CNTLN: variants seen among roughly 807,000 people sequenced by gnomAD.
CNTLN encodes the protein centlein, centrosomal protein.
CNTLN carries 212 observed loss-of-function variants against 180.0 expected under a neutral mutation model. The ratio of observed to expected loss-of-function variants is 1.18; its 90% confidence interval spans 1.05 to 1.32. The LOEUF is 1.32. Ranked by LOEUF, CNTLN falls within the 40% of genes most tolerant of loss-of-function variation. The pLI, the probability that CNTLN is intolerant of heterozygous loss-of-function variation, is 0.00. For synonymous variants in CNTLN, 722 were observed against 563.1 expected, an observed-to-expected ratio of 1.28 and a Z score of -3.99; for missense variants, 2,095 against 1,610.9, an observed-to-expected ratio of 1.30 and a Z score of -5.14.
At chr9:17,395,166 A>G in intron 15 of CNTLN, 97 bp downstream of exon 15, 1 of 1,457,072 alleles carries the variant, frequency 6.9e-7, no homozygotes. Context: ...TCGATTTGGT[A>G]TTCAGAAAAA....
intron 18 of CNTLN, among the ~76,000 whole-genome samples, chr9:17,443,573 G>A (rs1830232207): frequency 6.6e-6 from 1 of 152,162 alleles, no homozygotes; most frequent in African/African-American, 2.4e-5. Context: ...ATTCAGGATA[G>A]TGATTATTTC....
the CNTLN span, among the ~76,000 whole-genome samples, chr9:17,523,017 G>A: frequency 1.3e-5 from 2 of 152,078 alleles, no homozygotes; most frequent in East Asian, 1.9e-4. Flanking sequence ...TAAAAGGTAC[G>A]AATGTCCCTC....
intron 10 of CNTLN, among the ~76,000 whole-genome samples, chr9:17,338,219 C>T (rs987950612): frequency 5.3e-5 from 8 of 150,442 alleles, no homozygotes; most frequent in Non-Finnish European, 7.4e-5. Flanking sequence ...TAGTACAGTG[C>T]AGTGGCGCCA....
Position 17,394,834 on chromosome 9 carries a change from C to T in CNTLN, c.2380C>T (p.Pro794Ser). ...AAATGAAAATGAAGAGCTGATCAAC[C>T]CAATGGAGAAATCACACCAGTCAGC... ...LRNENEELIN[P>S]MEKSHQSADR... Residue 794 changes from proline to serine, a missense_variant, in exon 15 of 26, where the codon CCA becomes TCA. By Grantham distance (74) the Pro-to-Ser change is moderately conservative. Transcript: ENST00000380647. The T allele has an allele frequency of 1.2e-6, 2 of 1,613,842 alleles. No homozygotes were observed. The highest frequency in any genetic ancestry group is 2.7e-5 in the African/African-American group (2 of 74,968).
intron 2 of CNTLN, among the ~76,000 whole-genome samples, chr9:17,175,607 A>T (rs575555044): frequency 6.6e-6 from 1 of 152,166 alleles, no homozygotes; most frequent in East Asian, 1.9e-4. Flanking sequence ...TCCTTTTCAA[A>T]ATTGTTTTAG....
intron 5 of CNTLN, among the ~76,000 whole-genome samples, chr9:17,256,851 A>T (rs1026324645): frequency 2.0e-5 from 3 of 151,854 alleles, no homozygotes; most frequent in African/African-American, 7.2e-5. Flanking sequence ...TGGAAGGTCA[A>T]ATAATTTAGT....
intron 5 of CNTLN, among the ~76,000 whole-genome samples, chr9:17,266,140 G>A (rs11523728): frequency 0.28 from 38,106 of 135,708 alleles, 4,956 homozygotes; most frequent in South Asian, 0.45. Context: ...TAGGGTGTCA[G>A]TTTTGGATCT....
chr9:17,507,367 C>G (rs1294132015), downstream of CNTLN, among the ~76,000 whole-genome samples: 1 of 152,102 alleles, frequency 6.6e-6, no homozygotes, highest in Non-Finnish European at 1.5e-5. Context: ...TATATATCTT[C>G]CACATTTTCT....
chr9:17,239,351 T>C (rs1825349862), intron 5 of CNTLN, among the ~76,000 whole-genome samples: 1 of 152,248 alleles, frequency 6.6e-6, no homozygotes, highest in South Asian at 2.1e-4. Flanking sequence ...TTCAAATCTT[T>C]TGTGTACATA....
At chr9:17,200,773 A>G (rs2131875841) in intron 2 of CNTLN, among the ~76,000 whole-genome samples, 1 of 152,124 alleles carries the variant, frequency 6.6e-6, no homozygotes, top group South Asian at 2.1e-4. Flanking sequence ...CAATCATATC[A>G]TCTGCAGAGA....
At chr9:17,342,293 T>C (rs2133215329) in intron 11 of CNTLN, 32 bp from the exon 12 acceptor site, 1 of 1,604,448 alleles carries the variant, frequency 6.2e-7, no homozygotes, top group Non-Finnish European at 8.5e-7. Flanking sequence ...TCAGACATGT[T>C]AATTGAAAAA....
rs1415950803 is a variant in CNTLN, at chr9:17,496,224, A to T, written c.4120-6327A>T. Among the ~76,000 whole-genome samples the T allele has an allele frequency of 2.0e-5, 3 of 152,042 alleles. No homozygotes were observed. In the East Asian group the frequency reaches 5.8e-4, roughly 29 times the overall value. ...CTTTTGGATCCTTCCCCATCCCTTT[A>T]TTTTTCCTACCTGTACTATTAAGTG... On this transcript the variant is annotated intron_variant, in intron 25 of 25. Transcript: ENST00000380647.
intron 6 of CNTLN, among the ~76,000 whole-genome samples, chr9:17,291,371 G>T (rs1829395225): frequency 6.6e-6 from 1 of 152,050 alleles, no homozygotes; most frequent in Non-Finnish European, 1.5e-5. Context: ...TGTTAATTTT[G>T]TCTTGGTGAT....
intron 5 of CNTLN, among the ~76,000 whole-genome samples, chr9:17,254,482 G>A (rs1248348851): frequency 6.7e-6 from 1 of 149,580 alleles, no homozygotes; most frequent in African/African-American, 2.5e-5. Flanking sequence ...TCTTTTGTGT[G>A]TATGGTGTAA....
At chr9:17,466,991 C>A in intron 23 of CNTLN, 100 bp downstream of exon 23, 1 of 717,762 alleles carries the variant, frequency 1.4e-6, no homozygotes, top group Non-Finnish European at 2.2e-6. Context: ...TTTCTGCTTT[C>A]CTAACACAGA....
In CNTLN at chr9:17,361,864, G is replaced by A. The variant is rs145800174; in HGVS notation, c.1887-4753G>A. On this transcript the variant is annotated intron_variant, in intron 12 of 25. Coordinates refer to ENST00000380647, the MANE Select transcript of CNTLN (RefSeq NM_017738.4). Reference sequence around the variant, plus strand: ...TTGTTTCCTATCATTTGTCCAGTAAGAAATAGATTTTAAATTGTGGTCCTC... The same window carrying A: ...TTGTTTCCTATCATTTGTCCAGTAAAAAATAGATTTTAAATTGTGGTCCTC... Among the ~76,000 whole-genome samples the A allele has an allele frequency of 1.1e-4, 17 of 152,302 alleles. No individual in the cohort carries two copies. In the East Asian group the frequency reaches 3.3e-3, roughly 29 times the overall value.
At chr9:17,405,402 C>G (rs1218547360) in intron 15 of CNTLN, among the ~76,000 whole-genome samples, 1 of 151,678 alleles carries the variant, frequency 6.6e-6, no homozygotes, top group Non-Finnish European at 1.5e-5. Flanking sequence ...TGGGAAGTCC[C>G]AGGTTGAGAG....
intron 8 of CNTLN, among the ~76,000 whole-genome samples, chr9:17,311,883 A>G (rs912412972): frequency 3.3e-5 from 5 of 152,176 alleles, no homozygotes; most frequent in African/African-American, 1.2e-4. Flanking sequence ...CTAGAAGAGC[A>G]AAATCAAGTT....
intron 3 of CNTLN, 80 bp from the exon 4 acceptor site, chr9:17,235,578 C>A: frequency 8.4e-7 from 1 of 1,192,774 alleles, no homozygotes; most frequent in East Asian, 2.5e-5. Context: ...ATTAGCAAAT[C>A]AAAATGTAAA....
Sources: allele counts gnomAD v4.1 joint callset (sites outside exome capture counted in the v4.1 genomes callset), GRCh38; gene constraint gnomAD v4.1.1; transcripts MANE v1.5; gene names NCBI Gene and HGNC (gene_info 2026-07-23, HGNC 2026-07-21).